The following ASTN2 variants were observed in gnomAD, a reference collection of about 807,000 sequenced individuals.
The protein encoded by ASTN2 is astrotactin 2.
A neutral mutation model predicts 139.8 loss-of-function variants in ASTN2; 54 were observed. The ratio of observed to expected loss-of-function variants is 0.39; its 90% CI spans 0.31 to 0.48. ASTN2 has a LOEUF of 0.48. Ranked by LOEUF, ASTN2 falls within the 20% of genes least tolerant of loss-of-function variation. The probability of loss-of-function intolerance (pLI) is 0.95; values close to 1 mark genes in which losing one functional copy is unlikely to be tolerated. For missense variants in ASTN2, 1,565 were observed against 1,725.1 expected, an observed-to-expected ratio of 0.91 and a Z score of 1.64; for synonymous variants, 756 against 719.5, an observed-to-expected ratio of 1.05 and a Z score of -0.81.
chr9:117,040,063 T>C, intron 5 of ASTN2, 98 bp from the exon 6 acceptor site: 1 of 1,346,278 alleles, frequency 7.4e-7, no homozygotes, highest in Middle Eastern at 1.9e-4. Flanking sequence ...CAGTTGGGAA[T>C]CTGAAAAAAG....
At chr9:117,025,625 G>A (rs1361648737) in intron 6 of ASTN2, among the ~76,000 whole-genome samples, 2 of 152,112 alleles carry the variant, frequency 1.3e-5, no homozygotes, top group African/African-American at 2.4e-5. Context: ...ACTGCAGTGA[G>A]ATGTCACCTG....
At chr9:116,510,739 T>C (rs1850338544) in intron 19 of ASTN2, among the ~76,000 whole-genome samples, 1 of 152,202 alleles carries the variant, frequency 6.6e-6, no homozygotes, top group African/African-American at 2.4e-5. Context: ...GTTGGATTCC[T>C]AGGTATTTTA....
In ASTN2 at chr9:117,221,175, C is replaced by A. The variant is rs7871952; in HGVS notation, c.631-6433G>T. Among the ~76,000 whole-genome samples the A allele has an allele frequency of 4.6e-5, 7 of 152,052 alleles. No homozygotes were observed. In the East Asian group the frequency reaches 1.4e-3, roughly 30 times the overall value. On this transcript the variant is annotated intron_variant, in intron 2 of 22. Coordinates refer to ENST00000313400, the MANE Select transcript of ASTN2 (RefSeq NM_001365068.1). Reference sequence around the variant, plus strand: ...GCACCTGACCAAACCTCGTATGCCCCTTTGCTGCTTTTACTTTCTCCAATG... The same window carrying A: ...GCACCTGACCAAACCTCGTATGCCCATTTGCTGCTTTTACTTTCTCCAATG...
chr9:117,040,249 C>T (rs1838518165), intron 5 of ASTN2, among the ~76,000 whole-genome samples: 1 of 152,124 alleles, frequency 6.6e-6, no homozygotes, highest in Non-Finnish European at 1.5e-5. Context: ...CCTCCCTTCC[C>T]AATTCGGTTG....
At chr9:116,703,088 C>A (rs897486824) in intron 16 of ASTN2, among the ~76,000 whole-genome samples, 4 of 151,548 alleles carry the variant, frequency 2.6e-5, no homozygotes, top group Non-Finnish European at 4.4e-5. Context: ...AGTTTACAGT[C>A]CCACCAACAG....
At chr9:117,010,361 C>T (rs557799909) in intron 6 of ASTN2, among the ~76,000 whole-genome samples, 1 of 152,230 alleles carries the variant, frequency 6.6e-6, no homozygotes, top group East Asian at 1.9e-4. Context: ...CACAGTCATG[C>T]TGTTTAAATG....
At chr9:117,308,365 C>A (rs988473689) in intron 1 of ASTN2, among the ~76,000 whole-genome samples, 6 of 152,176 alleles carry the variant, frequency 3.9e-5, no homozygotes, top group Non-Finnish European at 7.3e-5. Context: ...CTCGAGGGAC[C>A]TATTAGCAAG....
At chr9:116,636,282 A>C (rs1306768329) in intron 17 of ASTN2, among the ~76,000 whole-genome samples, 2 of 152,256 alleles carry the variant, frequency 1.3e-5, no homozygotes, top group African/African-American at 4.8e-5. Flanking sequence ...AAAGTCTGGA[A>C]GCAAGATACT....
At chr9:117,181,849 T>G (rs1328391971) in intron 3 of ASTN2, among the ~76,000 whole-genome samples, 1 of 152,206 alleles carries the variant, frequency 6.6e-6, no homozygotes, top group Non-Finnish European at 1.5e-5. Context: ...CTTTCTTTCT[T>G]TCCTCTCTCT....
chr9:117,284,114 T>C (rs1834390406), intron 2 of ASTN2, among the ~76,000 whole-genome samples: 2 of 152,112 alleles, frequency 1.3e-5, no homozygotes, highest in African/African-American at 4.8e-5. Context: ...ATAAAGGCAA[T>C]CAATTTTTAA....
chr9:117,365,291 T>A (rs1243501263), intron 1 of ASTN2, among the ~76,000 whole-genome samples: 197 of 100,698 alleles, frequency 2.0e-3, no homozygotes, highest in South Asian at 3.1e-3. Flanking sequence ...AAGAAAGAAA[T>A]AGAAAGAAAA....
intron 10 of ASTN2, among the ~76,000 whole-genome samples, chr9:116,971,603 A>G (rs1836203745): frequency 6.6e-6 from 1 of 152,224 alleles, no homozygotes; most frequent in Non-Finnish European, 1.5e-5. Context: ...CTCAAAGCCC[A>G]TGACAAAGTG....
chr9:116,843,832 G>T (rs1272783787), intron 11 of ASTN2, among the ~76,000 whole-genome samples: 1 of 152,164 alleles, frequency 6.6e-6, no homozygotes, highest in Non-Finnish European at 1.5e-5. Flanking sequence ...GTACCTGAGT[G>T]ATGGGATCAA....
At chr9:116,601,891 G>A (rs954952953) in intron 19 of ASTN2, among the ~76,000 whole-genome samples, 1 of 152,142 alleles carries the variant, frequency 6.6e-6, no homozygotes, top group Non-Finnish European at 1.5e-5. Flanking sequence ...TGTTATGATT[G>A]GACTAGATGT....
intron 17 of ASTN2, among the ~76,000 whole-genome samples, chr9:116,632,336 A>AT (rs1015911094): frequency 1.5e-4 from 22 of 150,978 alleles, no homozygotes; most frequent in East Asian, 2.0e-4. Context: ...AATAATAATA[A>AT]AAAAAAAAGA....
chr9:116,427,926 T>C (rs1847360964), intron 22 of ASTN2, among the ~76,000 whole-genome samples: 1 of 152,276 alleles, frequency 6.6e-6, no homozygotes, highest in Non-Finnish European at 1.5e-5. Context: ...CCTGGGGACA[T>C]TTACTTAACA....
At chr9:116,637,890 T>A (rs1183524758) in intron 17 of ASTN2, among the ~76,000 whole-genome samples, 1 of 152,110 alleles carries the variant, frequency 6.6e-6, no homozygotes, top group Non-Finnish European at 1.5e-5. Context: ...CAGTGAGCAA[T>A]GATCGTGCCA....
At chr9:117,276,565 A>T (rs532286602) in intron 2 of ASTN2, among the ~76,000 whole-genome samples, 4 of 152,342 alleles carry the variant, frequency 2.6e-5, no homozygotes, top group South Asian at 4.1e-4. Context: ...TGGACACTTC[A>T]TTAGGGGAAC....
At chr9:116,610,671 G>C (rs1039270455) in intron 19 of ASTN2, among the ~76,000 whole-genome samples, 1 of 152,064 alleles carries the variant, frequency 6.6e-6, no homozygotes, top group Non-Finnish European at 1.5e-5. Flanking sequence ...GAAAGCTGGA[G>C]TACTTAGACA....
Sources: gnomAD v4.1 joint callset for allele counts (sites outside exome capture counted in the v4.1 genomes callset) on GRCh38, gnomAD v4.1.1 for gene constraint, MANE v1.5 for transcripts, NCBI Gene and HGNC (gene_info 2026-07-23, HGNC 2026-07-21) for gene names.